The following SVOP variants were observed in gnomAD, a reference collection of about 807,000 sequenced individuals.
SVOP encodes the protein synaptic vesicle 2-related protein.
SVOP carries 17 observed loss-of-function variants against 69.1 expected under a neutral mutation model. That is an observed-to-expected ratio of 0.25 (90% confidence interval 0.17 to 0.37). SVOP has a LOEUF of 0.37. Among genes scored for constraint, SVOP ranks in the 10% least tolerant of loss-of-function variants. The probability of loss-of-function intolerance (pLI) is 1.00; values close to 1 mark genes in which losing one functional copy is unlikely to be tolerated. For missense variants in SVOP, 435 were observed against 597.5 expected, an observed-to-expected ratio of 0.73 and a Z score of 2.84; for synonymous variants, 238 against 238.6, an observed-to-expected ratio of 1.00 and a Z score of 0.02.
chr12:108,961,993 T>A (rs752920110), intron 5 of SVOP, among the ~76,000 whole-genome samples: 23 of 152,224 alleles, frequency 1.5e-4, no homozygotes, highest in Non-Finnish European at 3.1e-4. Flanking sequence ...TAAAACATAA[T>A]ATAAAGGCAG....
In SVOP at chr12:108,908,385, T is replaced by C. The variant is rs771040283; in HGVS notation, c.*4150A>G. The C allele has an allele frequency of 6.6e-6, 1 of 152,284 alleles. No individual in the cohort carries two copies. Among genetic ancestry groups the C allele is most frequent in the Non-Finnish European group, 1.5e-5 (1 of 68,044 alleles). The allele number at this position is 152,284 out of a possible 1,614,324, so 9.4% of individuals were successfully genotyped here. On this transcript the variant is annotated 3_prime_UTR_variant, in exon 16 of 16. Coordinates refer to ENST00000610966, the MANE Select transcript of SVOP (RefSeq NM_018711.5). ...AAGCTGCACTGCAGATGCATTTTAT[T>C]GAGCTCACACATCATTTGAACATTT...
chr12:108,955,685 T>C (rs1486227929), intron 6 of SVOP, among the ~76,000 whole-genome samples: 1 of 152,212 alleles, frequency 6.6e-6, no homozygotes, highest in Non-Finnish European at 1.5e-5. Flanking sequence ...CAGTGATACC[T>C]TGAGTCATTC....
Position 108,911,140 on chromosome 12 carries a change from C to G in SVOP, c.*1395G>C, listed in dbSNP as rs1032037710. 1 of 152,260 alleles carries G rather than the reference C, an allele frequency of 6.6e-6. No homozygotes were observed. The highest frequency in any genetic ancestry group is 6.5e-5 in the Admixed American group (1 of 15,274). The allele number at this position is 152,260 out of a possible 1,614,324, so 9.4% of individuals were successfully genotyped here. A position where few individuals can be genotyped will look rare whatever the true frequency, so the allele number is the denominator to read the frequency against. ...GCTTCCTTTGAAAACATATACATTT[C>G]ACACACCTGAGTCCTCCCACCCCTC... is the stretch of plus-strand genomic sequence containing the variant. On this transcript the variant is annotated 3_prime_UTR_variant, in exon 16 of 16. Transcript: ENST00000610966.
chr12:108,936,058 A>G (rs1019910071), intron 10 of SVOP, among the ~76,000 whole-genome samples: 2 of 151,554 alleles, frequency 1.3e-5, no homozygotes, highest in Non-Finnish European at 3.0e-5. Flanking sequence ...ACACACATGT[A>G]TTTTTGAGAC....
At chr12:108,983,267 A>G (rs1479731898) in intron 2 of SVOP, among the ~76,000 whole-genome samples, 1 of 144,630 alleles carries the variant, frequency 6.9e-6, no homozygotes, top group Non-Finnish European at 1.5e-5. Flanking sequence ...CATCATCATC[A>G]TTACTATCAT....
intron 5 of SVOP, 32 bp downstream of exon 5, chr12:108,972,373 G>T: frequency 6.5e-7 from 1 of 1,534,362 alleles, no homozygotes; most frequent in Non-Finnish European, 8.7e-7. Context: ...CAACCCAGAG[G>T]ACATGCGTTT....
intron 7 of SVOP, among the ~76,000 whole-genome samples, chr12:108,941,961 G>A (rs769385515): frequency 3.3e-5 from 5 of 152,052 alleles, no homozygotes; most frequent in Admixed American, 6.6e-5. Flanking sequence ...CACCACGCCC[G>A]GCAAGAAATT....
intron 11 of SVOP, among the ~76,000 whole-genome samples, chr12:108,925,700 C>G (rs780307767): frequency 6.6e-6 from 1 of 152,196 alleles, no homozygotes; most frequent in Non-Finnish European, 1.5e-5. Context: ...CTCCAGCACA[C>G]TGGTCTCCTT....
chr12:108,928,261 G>A (rs1229770754), intron 11 of SVOP, among the ~76,000 whole-genome samples: 1 of 151,304 alleles, frequency 6.6e-6, no homozygotes, highest in Non-Finnish European at 1.5e-5. Context: ...AGGCTCCTCT[G>A]AGTCTTTTTA....
chr12:109,001,491 G>A (rs1259779071), intron 1 of SVOP, among the ~76,000 whole-genome samples: 36 of 149,028 alleles, frequency 2.4e-4, no homozygotes, highest in African/African-American at 7.1e-4. Flanking sequence ...AAAAGAGCCC[G>A]CATTGCCAAG....
At chr12:108,913,072 T>C (rs531020014) in intron 15 of SVOP, among the ~76,000 whole-genome samples, 1 of 151,950 alleles carries the variant, frequency 6.6e-6, no homozygotes, top group Non-Finnish European at 1.5e-5. Context: ...TTTTGTTTTT[T>C]GTTTTTTTTG....
At chr12:108,939,179 T>A (rs1304515265) in intron 8 of SVOP, among the ~76,000 whole-genome samples, 1 of 152,214 alleles carries the variant, frequency 6.6e-6, no homozygotes, top group Non-Finnish European at 1.5e-5. Context: ...AAAATGTGAA[T>A]GATAAGAGAT....
At chr12:108,986,100 C>T (rs192848380) in intron 1 of SVOP, among the ~76,000 whole-genome samples, 166 of 152,320 alleles carry the variant, frequency 1.1e-3, no homozygotes, top group Middle Eastern at 6.8e-3. Flanking sequence ...AAGCTTGGTG[C>T]TAACATTTCA....
At chr12:109,011,928 T>C (rs969371553) in intron 1 of SVOP, among the ~76,000 whole-genome samples, 2 of 152,106 alleles carry the variant, frequency 1.3e-5, no homozygotes, top group Non-Finnish European at 2.9e-5. Context: ...GAGAGTGGAA[T>C]GGTGATTACC....
intron 11 of SVOP, among the ~76,000 whole-genome samples, chr12:108,924,201 C>G (rs911811269): frequency 2.6e-5 from 4 of 152,318 alleles, no homozygotes; most frequent in African/African-American, 4.8e-5. Context: ...TCCCCAGACA[C>G]TGAATCTACT....
In SVOP at chr12:108,908,845, C is replaced by T. The variant is rs77276695; in HGVS notation, c.*3690G>A. 0.17 allele frequency: 25,605 copies of T among 152,104 alleles called. 3,254 individuals are homozygous for T. Among genetic ancestry groups the T allele is most frequent in the East Asian group, 0.47 (2,443 of 5,162 alleles). The allele number at this position is 152,104 out of a possible 1,614,324, so 9.4% of individuals were successfully genotyped here. On this transcript the variant is annotated 3_prime_UTR_variant, in exon 16 of 16. Coordinates refer to ENST00000610966, the MANE Select transcript of SVOP (RefSeq NM_018711.5). ...TGTGTTCAGGAGGCTGTGGGTATCC[C>T]TTGGTGCTCGTAGGCCCTTCCTTCC... is the stretch of plus-strand genomic sequence containing the variant.
At chr12:108,919,828 T>A in intron 12 of SVOP, 42 bp from the exon 13 acceptor site, 5 of 1,357,952 alleles carry the variant, frequency 3.7e-6, no homozygotes, top group Non-Finnish European at 5.1e-6. Flanking sequence ...TCCGATGTGA[T>A]TCCCAATGCC....
chr12:109,013,392 C>CT (rs535785073), intron 1 of SVOP, among the ~76,000 whole-genome samples: 12,704 of 144,164 alleles, frequency 0.088, 602 homozygotes, highest in Middle Eastern at 0.14. Flanking sequence ...CCGTCTTAAC[C>CT]TTTTTTTTTT....
intron 2 of SVOP, among the ~76,000 whole-genome samples, chr12:108,980,118 C>T (rs2040127824): frequency 6.6e-6 from 1 of 152,122 alleles, no homozygotes; most frequent in African/African-American, 2.4e-5. Context: ...TTCAAGGTTG[C>T]AGTGAGCTGT....
Sources: allele counts gnomAD v4.1 joint callset (sites outside exome capture counted in the v4.1 genomes callset), GRCh38; gene constraint gnomAD v4.1.1; transcripts MANE v1.5; gene names NCBI Gene and HGNC (gene_info 2026-07-23, HGNC 2026-07-21).